C2CD3: variants seen among roughly 807,000 people sequenced by gnomAD.
C2CD3 encodes C2 domain-containing protein 3.
A neutral mutation model predicts 234.0 loss-of-function variants in C2CD3; 148 were observed. That is an observed-to-expected ratio of 0.63 (90% CI 0.55 to 0.72). The LOEUF is 0.72. C2CD3 is among the 30% of genes least tolerant of loss of function. The pLI is 0.00. For missense variants in C2CD3, 2,577 were observed against 2,811.5 expected (o/e 0.92, Z 1.89); for synonymous variants, 1,000 against 1,035.4 (o/e 0.97, Z 0.66).
At chr11:74,053,390 A>G (rs1953791559) in intron 26 of C2CD3, among the ~76,000 whole-genome samples, 1 of 152,216 alleles carries the variant, frequency 6.6e-6, no homozygotes, top group Admixed American at 6.5e-5. Flanking sequence ...AATTTTATAG[A>G]TATGTAAATA....
At chr11:74,096,023 G>GT (rs1231740693) in intron 16 of C2CD3, among the ~76,000 whole-genome samples, 2 of 152,186 alleles carry the variant, frequency 1.3e-5, no homozygotes, top group Non-Finnish European at 2.9e-5. Context: ...TCCAATAATG[G>GT]TAAGGACTAC....
At position 74,168,380 on chromosome 11, in the gene C2CD3, G is replaced by T; in HGVS notation, c.289C>A (p.Arg97Ser). ...AVRTTTRYAI[R>S]CGPKQFTSYL... is the part of the protein sequence containing the mutation. ...GAGGTAAACTGTTTTGGACCACAAC[G>T]AATAGCGTAACGTGTAGTTGTTCTC... The change falls in exon 2 of 33, where the codon CGT becomes AGT. Residue 97 changes from arginine (R) to serine (S), a missense_variant. Coordinates refer to ENST00000334126, the MANE Select transcript of C2CD3 (RefSeq NM_001286577.2). The T allele has an allele frequency of 6.2e-7, 1 of 1,613,858 alleles. No homozygotes were observed. The highest frequency in any genetic ancestry group is 8.5e-7 in the Non-Finnish European group (1 of 1,179,754).
intron 30 of C2CD3, among the ~76,000 whole-genome samples, chr11:74,036,907 G>A (rs1206203554): frequency 6.6e-6 from 1 of 152,156 alleles, no homozygotes; most frequent in Non-Finnish European, 1.5e-5. Flanking sequence ...AGTACAGCCT[G>A]GGCATGGGGT....
intron 3 of C2CD3, among the ~76,000 whole-genome samples, chr11:74,144,872 CTA>C (rs1315346139): frequency 5.3e-5 from 8 of 152,176 alleles, no homozygotes; most frequent in Non-Finnish European, 7.4e-5. Flanking sequence ...CAGCTTGATT[CTA>C]TGTTTTTGCT....
chr11:74,076,103 T>G (rs1036080988), intron 23 of C2CD3, among the ~76,000 whole-genome samples: 2 of 152,220 alleles, frequency 1.3e-5, no homozygotes, highest in African/African-American at 4.8e-5. Context: ...CTTTATAAAC[T>G]TTAGTTTAAG....
intron 2 of C2CD3, among the ~76,000 whole-genome samples, chr11:74,166,179 G>A (rs1048753405): frequency 7.2e-5 from 11 of 151,794 alleles, no homozygotes; most frequent in East Asian, 1.9e-4. Flanking sequence ...GTGTCGTGGC[G>A]GGCACCTGTA....
At chr11:74,112,803 G>C (rs151034007) in intron 11 of C2CD3, among the ~76,000 whole-genome samples, 2 of 152,236 alleles carry the variant, frequency 1.3e-5, no homozygotes, top group Non-Finnish European at 2.9e-5. Flanking sequence ...AGTAACAAGT[G>C]TTGACGAGGA....
At chr11:74,103,674 G>T in intron 13 of C2CD3, 49 bp from the exon 14 acceptor site, 2 of 1,506,574 alleles carry the variant, frequency 1.3e-6, no homozygotes. Context: ...CTTTAGAATT[G>T]GAATTAGAAT....
chr11:74,090,784 T>C, intron 20 of C2CD3, 29 bp downstream of exon 20: 1 of 1,608,794 alleles, frequency 6.2e-7, no homozygotes, highest in East Asian at 2.2e-5. Context: ...GTAAAAGGCT[T>C]GAGAATTGCT....
intron 20 of C2CD3, among the ~76,000 whole-genome samples, chr11:74,089,749 C>T (rs947591623): frequency 1.3e-5 from 2 of 152,158 alleles, no homozygotes; most frequent in Non-Finnish European, 2.9e-5. Context: ...ACTAGAGGAA[C>T]TCACAGCCTA....
In C2CD3 at chr11:74,033,696, T is replaced by TC; in HGVS notation, c.6463dup (p.Glu2155GlyfsTer3). ...AACCCTGGCCTTAGAGGCCTCACACTCACAAGCAACAAGACTTTGGCTAGG... is the reference window on the plus strand; with the variant it reads ...AACCCTGGCCTTAGAGGCCTCACACTCCACAAGCAACAAGACTTTGGCTAGG... On this transcript the variant is annotated frameshift_variant, in exon 31 of 33. Transcript: ENST00000334126. LOFTEE classifies it high-confidence loss of function. 1 of 1,536,306 alleles carries TC rather than the reference T, an allele frequency of 6.5e-7. No individual in the cohort carries two copies. The highest frequency in any genetic ancestry group is 8.7e-7 in the Non-Finnish European group (1 of 1,146,914).
At chr11:74,111,252 C>A (rs745429463) in intron 11 of C2CD3, among the ~76,000 whole-genome samples, 8 of 152,076 alleles carry the variant, frequency 5.3e-5, no homozygotes, top group Non-Finnish European at 1.2e-4. Flanking sequence ...ATGTTAAAGG[C>A]AAGGTGCAGA....
intron 20 of C2CD3, among the ~76,000 whole-genome samples, chr11:74,090,438 A>T (rs927535585): frequency 6.6e-6 from 1 of 152,184 alleles, no homozygotes. Context: ...TTGAGAACAG[A>T]CTAAAGGGGT....
At chr11:74,098,328 T>A in intron 15 of C2CD3, 73 bp from the exon 16 acceptor site, 1 of 1,478,068 alleles carries the variant, frequency 6.8e-7, no homozygotes, top group Non-Finnish European at 9.2e-7. Flanking sequence ...CTTTCTTGAC[T>A]CATTTTTTCA....
At position 74,034,099 on chromosome 11, in the gene C2CD3, G is replaced by A. The variant is rs1483099922; in HGVS notation, c.6061C>T (p.Pro2021Ser). 3 of 1,536,100 alleles carry A rather than the reference G, an allele frequency of 2.0e-6. No individual in the cohort carries two copies. Among genetic ancestry groups the A allele is most frequent in the South Asian group, 1.2e-5 (1 of 84,056 alleles). The change falls in exon 31 of 33, where the codon CCC becomes TCC. Residue 2021 changes from proline (P) to serine (S), a missense_variant. By Grantham distance (74) the Pro-to-Ser change is moderately conservative. Coordinates refer to ENST00000334126, the MANE Select transcript of C2CD3 (RefSeq NM_001286577.2). ...TTTGAAGTCTCTTCGAGAGGAGGGG[G>A]TGATGGGGAATCTGTGCCTTTATCT... ...APDKGTDSPS[P>S]PPLEETSNGG...
rs551946039 is a variant in C2CD3 at position 74,093,967 on chromosome 11, T to G, written c.3193A>C (p.Thr1065Pro). 1 of 1,613,812 alleles carries G rather than the reference T, an allele frequency of 6.2e-7. No individual in the cohort carries two copies. Among genetic ancestry groups the G allele is most frequent in the Non-Finnish European group, 8.5e-7 (1 of 1,179,862 alleles). ...AAGATGGGATCTGGAACACAGAGTG[T>G]GGTTGCAGTTCTGAAGGGCTTCAGA... ...ITLKPFRTAT[T>P]LCVPDPIFNS... The change falls in exon 18 of 33, where the codon ACA (threonine) becomes CCA (proline). Residue 1065 changes from threonine (T) to proline (P), a missense_variant. Transcript: ENST00000334126.
At chr11:74,037,904 C>A (rs532761447) in intron 29 of C2CD3, among the ~76,000 whole-genome samples, 3 of 152,240 alleles carry the variant, frequency 2.0e-5, no homozygotes, top group African/African-American at 7.2e-5. Context: ...CAACTTTCTC[C>A]CCCTTTTGTC....
intron 8 of C2CD3, among the ~76,000 whole-genome samples, chr11:74,122,186 G>C (rs750387185): frequency 7.9e-5 from 12 of 152,172 alleles, no homozygotes; most frequent in Non-Finnish European, 1.3e-4. Context: ...TTTCTGCACA[G>C]GTCATTCTTT....
intron 32 of C2CD3, among the ~76,000 whole-genome samples, chr11:74,023,886 A>G (rs914505802): frequency 1.3e-5 from 2 of 152,312 alleles, no homozygotes; most frequent in Non-Finnish European, 2.9e-5. Context: ...TCACTGTATA[A>G]TTTTAATGAC....
Sources: allele counts gnomAD v4.1 joint callset (sites outside exome capture counted in the v4.1 genomes callset), GRCh38; gene constraint gnomAD v4.1.1; transcripts MANE v1.5; gene names NCBI Gene and HGNC (gene_info 2026-07-23, HGNC 2026-07-21).